The following GAB4 variants were observed in gnomAD, a reference collection of about 807,000 sequenced individuals.
GAB4 encodes the protein GRB2 associated binding protein family member 4.
In GAB4, 26 loss-of-function variants were observed where a neutral mutation model predicts 51.3. The observed-to-expected ratio is 0.51, with a 90% confidence interval of 0.37 to 0.70. GAB4 has a LOEUF of 0.70. GAB4 is among the 30% of genes least tolerant of loss of function. The pLI, the probability that GAB4 is intolerant of heterozygous loss-of-function variation, is 0.00. For missense variants in GAB4, 759 were observed against 734.6 expected, an observed-to-expected ratio of 1.03 and a Z score of -0.38; for synonymous variants, 329 against 291.2, an observed-to-expected ratio of 1.13 and a Z score of -1.32.
intron 4 of GAB4, among the ~76,000 whole-genome samples, chr22:16,968,770 A>C (rs1238101542): frequency 6.6e-6 from 1 of 152,188 alleles, no homozygotes; most frequent in Non-Finnish European, 1.5e-5. Flanking sequence ...TGAACAGCAA[A>C]CATGTTTTAT....
chr22:16,970,147 T>C lies in GAB4; in HGVS notation c.733A>G (p.Arg245Gly), dbSNP rs1349897735. 6.2e-7 allele frequency: 1 copy of C among 1,614,018 alleles called. No homozygotes were observed. Among genetic ancestry groups the C allele is most frequent in the East Asian group, 2.2e-5 (1 of 44,890 alleles). ...QGSEAPFIMRRNTAMQNLAQH... is the reference protein window; with the variant it reads ...QGSEAPFIMRGNTAMQNLAQH... Reference sequence around the variant, plus strand: ...GCAAGATTTTGCATGGCTGTGTTTCTCCTCATGATGAATGGGGCCTCAGAA... The same window carrying C: ...GCAAGATTTTGCATGGCTGTGTTTCCCCTCATGATGAATGGGGCCTCAGAA... The change falls in exon 4 of 10, where the codon AGA becomes GGA. Residue 245 changes from arginine (R) to glycine (G), a missense_variant. By Grantham distance (125) the Arg-to-Gly change is moderately radical. This residue lies in a region of GAB4 where 588 missense variants were observed against 510.2 expected (regional missense o/e 1.15). Transcript: ENST00000400588.
intron 2 of GAB4, among the ~76,000 whole-genome samples, chr22:16,990,674 A>T (rs181750727): frequency 1.3e-5 from 2 of 152,322 alleles, no homozygotes; most frequent in Non-Finnish European, 2.9e-5. Flanking sequence ...CCCAGAGTCC[A>T]TTTATATGCA....
chr22:17,001,840 AC>A (rs1167029948), intron 1 of GAB4, among the ~76,000 whole-genome samples: 3 of 152,012 alleles, frequency 2.0e-5, no homozygotes, highest in African/African-American at 7.2e-5. Context: ...CACTTTGTTT[AC>A]CTACTCAAGC....
intron 1 of GAB4, among the ~76,000 whole-genome samples, chr22:17,006,297 T>C (rs972695169): frequency 2.0e-5 from 3 of 150,144 alleles, no homozygotes; most frequent in African/African-American, 7.3e-5. Flanking sequence ...ATTAGAGAAA[T>C]GCAACGAGAT....
chr22:16,991,285 G>T (rs1227397778), intron 2 of GAB4, among the ~76,000 whole-genome samples: 13 of 149,684 alleles, frequency 8.7e-5, no homozygotes, highest in Admixed American at 7.4e-4. Context: ...TTCAAGAATG[G>T]CCAATTTAGA....
chr22:16,991,312 G>C (rs933095526), intron 2 of GAB4, among the ~76,000 whole-genome samples: 5 of 142,172 alleles, frequency 3.5e-5, no homozygotes, highest in African/African-American at 1.3e-4. Context: ...ATCTGCCTCA[G>C]GAAAAAAAAA....
chr22:16,992,398 A>G (rs1223127520), intron 1 of GAB4, among the ~76,000 whole-genome samples: 1 of 152,216 alleles, frequency 6.6e-6, no homozygotes, highest in Non-Finnish European at 1.5e-5. Context: ...TAAGATGTGC[A>G]TTTCCACACT....
intron 2 of GAB4, among the ~76,000 whole-genome samples, chr22:16,989,671 G>A (rs930522560): frequency 6.6e-6 from 1 of 152,310 alleles, no homozygotes; most frequent in East Asian, 1.9e-4. Context: ...ATGCTAGGGG[G>A]CCAAGCAGCC....
intron 1 of GAB4, 82 bp downstream of exon 1, chr22:17,007,859 C>G: frequency 4.4e-6 from 6 of 1,349,470 alleles, no homozygotes; most frequent in Non-Finnish European, 6.0e-6. Context: ...TCCCGTGGAC[C>G]CAGGCCGCCT....
Position 16,968,333 on chromosome 22 carries a change from C to T in GAB4, c.988G>A (p.Ala330Thr). 6.2e-7 allele frequency: 1 copy of T among 1,614,072 alleles called. No homozygotes were observed. The highest frequency in any genetic ancestry group is 1.3e-5 in the African/African-American group (1 of 75,030). The part of the protein sequence containing the change: ...QHGGGNASRP[A>T]ESMHEGVCSF... ...CAGACTCCCTCATGCATGGACTCAG[C>T]AGGCCGGCTGGCATTCCCTCCACCA... The change falls in exon 5 of 10, where the codon GCT becomes ACT. Residue 330 changes from alanine (A) to threonine (T), a missense_variant. Transcript: ENST00000400588.
chr22:16,978,102 T>C (rs2060794750), intron 3 of GAB4, among the ~76,000 whole-genome samples: 1 of 152,080 alleles, frequency 6.6e-6, no homozygotes, highest in Non-Finnish European at 1.5e-5. Context: ...ATCAACACCC[T>C]AATATCACAA....
chr22:16,980,985 CAT>C (rs2060822649), intron 3 of GAB4, among the ~76,000 whole-genome samples: 1 of 151,868 alleles, frequency 6.6e-6, no homozygotes, highest in African/African-American at 2.4e-5. Context: ...GGGAGGGAAA[CAT>C]CACACATCGG....
At chr22:17,004,458 C>T (rs141532851) in intron 1 of GAB4, among the ~76,000 whole-genome samples, 6 of 152,294 alleles carry the variant, frequency 3.9e-5, no homozygotes, top group Admixed American at 6.5e-5. Context: ...AACCCAGGCA[C>T]ATCAAAAAGC....
intron 3 of GAB4, among the ~76,000 whole-genome samples, chr22:16,976,246 T>C (rs4819929): frequency 0.81 from 123,027 of 152,154 alleles, 50,435 homozygotes; most frequent in African/African-American, 0.95. Context: ...TGTTCTAACC[T>C]AATGCAAGGA....
intron 1 of GAB4, among the ~76,000 whole-genome samples, chr22:16,999,386 G>A (rs1179695427): frequency 6.6e-6 from 1 of 152,106 alleles, no homozygotes; most frequent in Admixed American, 6.5e-5. Flanking sequence ...CATGTGTCCA[G>A]GAATTTATCC....
intron 2 of GAB4, among the ~76,000 whole-genome samples, chr22:16,988,884 C>T (rs116243562): frequency 0.019 from 2,892 of 152,308 alleles, 112 homozygotes; most frequent in African/African-American, 0.066. Context: ...TTATGCTGTT[C>T]CTTCTGCCTG....
At chr22:16,981,495 G>A (rs1159231283) in intron 3 of GAB4, among the ~76,000 whole-genome samples, 1 of 151,998 alleles carries the variant, frequency 6.6e-6, no homozygotes, top group Non-Finnish European at 1.5e-5. Context: ...ACTATTATGA[G>A]CAACAATATG....
At chr22:16,973,890 A>T (rs1200548630) in intron 3 of GAB4, among the ~76,000 whole-genome samples, 1 of 152,216 alleles carries the variant, frequency 6.6e-6, no homozygotes, top group African/African-American at 2.4e-5. Context: ...CTCCTAGCCA[A>T]CCATGTCCTC....
At chr22:17,004,384 A>G (rs2061022611) in intron 1 of GAB4, among the ~76,000 whole-genome samples, 1 of 152,210 alleles carries the variant, frequency 6.6e-6, no homozygotes, top group Admixed American at 6.5e-5. Flanking sequence ...AAAAAATAAA[A>G]TTTCAGGCCA....
Sources: gnomAD v4.1 joint callset for allele counts (sites outside exome capture counted in the v4.1 genomes callset) on GRCh38, gnomAD v4.1.1 for gene constraint, gnomAD v4.1.1 regional missense constraint, MANE v1.5 for transcripts, NCBI Gene and HGNC (gene_info 2026-07-23, HGNC 2026-07-21) for gene names.